Variants in EIF2B4 observed in about 807,000 individuals in gnomAD.
The protein encoded by EIF2B4 is eukaryotic translation initiation factor 2B subunit delta, also known as translation initiation factor eIF2B subunit delta.
Under a neutral mutation model 66.7 loss-of-function variants are expected in EIF2B4, and 34 were observed. The ratio of observed to expected loss-of-function variants is 0.51; its 90% CI spans 0.39 to 0.68. The LOEUF (loss-of-function observed/expected upper bound fraction) is 0.68. Among genes scored for constraint, EIF2B4 ranks in the 30% least tolerant of loss-of-function variants. EIF2B4 has a pLI of 0.00. For missense variants in EIF2B4, 618 were observed against 657.9 expected (o/e 0.94, Z 0.66); for synonymous variants, 278 against 253.6 (o/e 1.10, Z -0.92).
rs80051818 is a variant in EIF2B4, at chr2:27,368,937, T to C, written c.418+69A>G. On this transcript the variant is annotated intron_variant, in intron 4 of 12. Transcript: ENST00000347454. ...CAAGAATGAGAGGGGAGAGCTGTTT[T>C]ACTATTGGGCAGCCTGAGCTGGCGT... The C allele has an allele frequency of 0.28, 447,199 of 1,586,644 alleles. 69,159 individuals carry two copies. The highest frequency in any genetic ancestry group is 0.32 in the Non-Finnish European group (365,451 of 1,155,604).
chr2:27,370,174 C>T, intron 1 of EIF2B4, 110 bp downstream of exon 1: 2 of 1,544,418 alleles, frequency 1.3e-6, no homozygotes, highest in Non-Finnish European at 1.7e-6. Context: ...CGGAGCCCAG[C>T]GTGGCGCTGG....
In EIF2B4 at chr2:27,370,326, C is replaced by G. The variant is rs1337025496; in HGVS notation, c.-12G>C. The stretch of plus-strand genomic sequence containing the variant: ...GCCACAGCAGCCATCGCCCTCAGTC[C>G]TAGGCTCCGCCCGCCGTGGTCACGG... On this transcript the variant is annotated 5_prime_UTR_variant, in exon 1 of 13. Coordinates refer to ENST00000347454, the MANE Select transcript of EIF2B4 (RefSeq NM_001034116.2). 1.9e-6 allele frequency: 3 copies of G among 1,541,450 alleles called. No individual in the cohort carries two copies. Among genetic ancestry groups the G allele is most frequent in the Admixed American group, 3.9e-5 (2 of 50,970 alleles).
In EIF2B4 at chr2:27,368,074, A is replaced by C; in HGVS notation, c.656T>G (p.Val219Gly). The C allele has an allele frequency of 6.2e-7, 1 of 1,600,064 alleles. No homozygotes were observed. Among genetic ancestry groups the C allele is most frequent in the Non-Finnish European group, 8.5e-7 (1 of 1,173,188 alleles). Reference protein sequence around the residue: ...RLGLQYSQGLVSGSNARCIAL... With the variant: ...RLGLQYSQGLGSGSNARCIAL... ...AATACACCGGGCATTGGAGCCACTG[A>C]CCAGGCCCTGGGAGTACTGCAGGCC... The change falls in exon 7 of 13, where the codon GTC becomes GGC. Residue 219 changes from valine to glycine, a missense_variant. Transcript: ENST00000347454.
chr2:27,367,689 AAG>A (rs752912611), intron 8 of EIF2B4, 55 bp downstream of exon 8: 226 of 1,589,700 alleles, frequency 1.4e-4, no homozygotes, highest in Middle Eastern at 1.0e-3. Flanking sequence ...AAGCAGGAAA[AAG>A]AGTACAAGAC....
In EIF2B4 at chr2:27,370,171, C is replaced by T. The variant is rs1682296045; in HGVS notation, c.31+113G>A. ...GCTCGAGACTGTGTAGACCGGAGCC[C>T]AGCGTGGCGCTGGAACGGAGCGGCG... On this transcript the variant is annotated intron_variant, in intron 1 of 12. Transcript: ENST00000347454. 3.2e-6 allele frequency: 5 copies of T among 1,544,494 alleles called. No individual in the cohort carries two copies. In the African/African-American group the frequency reaches 6.8e-5, roughly 21 times the overall value.
At position 27,369,659 on chromosome 2, in the gene EIF2B4, C is replaced by T. The variant is rs145361035; in HGVS notation, c.76-110G>A. 1,882 of 1,573,066 alleles carry T rather than the reference C, an allele frequency of 1.2e-3. 21 individuals are homozygous for T. The African/African-American group carries it at 0.022, about 18-fold the overall frequency. ...TGGTTAAATCCCTAGTTCTTCCTAA[C>T]TTCCACAAGCTACCTGTTGCAAGCT... is the stretch of plus-strand genomic sequence containing the variant. On this transcript the variant is annotated intron_variant, in intron 2 of 12. Transcript: ENST00000347454.
Position 27,368,392 on chromosome 2 carries a change from G to C in EIF2B4, c.570C>G (p.Asn190Lys), listed in dbSNP as rs756090304. The C allele has an allele frequency of 1.9e-6, 3 of 1,613,974 alleles. No homozygotes were observed. In the East Asian group the frequency reaches 6.7e-5, roughly 36 times the overall value. The change falls in exon 6 of 13, where the codon AAC becomes AAG. Residue 190 changes from asparagine to lysine, a missense_variant. Physicochemically the swap from Asn to Lys is moderately conservative, Grantham distance 94 (BLOSUM62 0). This residue lies in a region of EIF2B4 where 506 missense variants were observed against 511.9 expected (regional missense o/e 0.99). Coordinates refer to ENST00000347454, the MANE Select transcript of EIF2B4 (RefSeq NM_001034116.2). ...FSHLPQYSRQ[N>K]SLTQFMSIPS... ...CCTACCTCATAAACTGGGTCAGAGAGTTTTGTCTGCTGTACTGGGGTAGGT... is the reference window on the plus strand; with the variant it reads ...CCTACCTCATAAACTGGGTCAGAGACTTTTGTCTGCTGTACTGGGGTAGGT...
intron 3 of EIF2B4, 77 bp downstream of exon 3, chr2:27,369,337 G>C: frequency 6.2e-7 from 1 of 1,610,744 alleles, no homozygotes; most frequent in Non-Finnish European, 8.5e-7. Flanking sequence ...ACTTTGTCCT[G>C]TCTCTCCCTT....
Position 27,369,223 on chromosome 2 carries a change from TA to T in EIF2B4, c.212-12del, listed in dbSNP as rs368817396. The T allele has an allele frequency of 0.046, 38,471 of 840,838 alleles. No homozygotes were observed. Among genetic ancestry groups the T allele is most frequent in the Admixed American group, 0.082 (2,651 of 32,142 alleles). The allele number at this position is 840,838 out of a possible 1,614,324, so 52.1% of individuals were successfully genotyped here. On this transcript the variant is annotated splice_polypyrimidine_tract_variant and intron_variant, in intron 3 of 12. Coordinates refer to ENST00000347454, the MANE Select transcript of EIF2B4 (RefSeq NM_001034116.2). ...CTCTGGTTGGGCCTACTAAAAGCAT[TA>T]AAAAAAAAAATGCCCAAGCTGCAGG...
chr2:27,370,017 C>T, intron 1 of EIF2B4, 98 bp from the exon 2 acceptor site: 3 of 1,522,280 alleles, frequency 2.0e-6, no homozygotes, highest in Non-Finnish European at 2.7e-6. Context: ...TTGGCATGAC[C>T]ACGGATCCGC....
At position 27,364,530 on chromosome 2, in the gene EIF2B4, G is replaced by A. The variant is rs761059364; in HGVS notation, c.1442C>T (p.Ser481Phe). The A allele has an allele frequency of 2.5e-6, 4 of 1,614,202 alleles. No homozygotes were observed. Among genetic ancestry groups the A allele is most frequent in the Admixed American group, 1.7e-5 (1 of 60,028 alleles). ...VALANWQNHA[S>F]LRLLNLVYDV... ...ATAGACTAGATTCAACAACCGTAGG[G>A]ATGCGTGGTTCTGCCAGTTAGCCAG... The change falls in exon 13 of 13, where the codon TCC becomes TTC. Residue 481 changes from serine (S) to phenylalanine (F), a missense_variant. Around this residue, in one of 4 missense-constraint regions of EIF2B4, gnomAD observed 63 missense variants for 47.5 expected, o/e 1.33. Coordinates refer to ENST00000347454, the MANE Select transcript of EIF2B4 (RefSeq NM_001034116.2).
At chr2:27,369,767 G>A in intron 2 of EIF2B4, 109 bp downstream of exon 2, 1 of 1,464,662 alleles carries the variant, frequency 6.8e-7, no homozygotes, top group Non-Finnish European at 9.2e-7. Context: ...AAATCTCCTG[G>A]CTTTACTGAG....
Position 27,368,625 on chromosome 2 carries a change from TC to T in EIF2B4, c.498+28del, listed in dbSNP as rs1682046940. ...CTCCAGTCCATTTCCCTAGGCTCTT[TC>T]TAGCCAGGCACCAAACCCACTTCCT... On this transcript the variant is annotated intron_variant, in intron 5 of 12. Coordinates refer to ENST00000347454, the MANE Select transcript of EIF2B4 (RefSeq NM_001034116.2). 1.9e-6 allele frequency: 3 copies of T among 1,613,706 alleles called. No homozygotes were observed. In the African/African-American group the frequency reaches 4.0e-5, roughly 22 times the overall value.
chr2:27,364,699 TTC>T lies in EIF2B4; in HGVS notation c.1372+17_1372+18del, dbSNP rs1681713364. 1 of 1,614,064 alleles carries T rather than the reference TTC, an allele frequency of 6.2e-7. No homozygotes were observed. The highest frequency in any genetic ancestry group is 1.3e-5 in the African/African-American group (1 of 74,938). ...CAAGTCTTCACAGGTAGCTGGAGGCTTCTCTTTTGCCTCCTTACCTAGCTCAT... is the reference window on the plus strand; with the variant it reads ...CAAGTCTTCACAGGTAGCTGGAGGCTTCTTTTGCCTCCTTACCTAGCTCAT... On this transcript the variant is annotated intron_variant, in intron 12 of 12. Coordinates refer to ENST00000347454, the MANE Select transcript of EIF2B4 (RefSeq NM_001034116.2).
intron 11 of EIF2B4, chr2:27,365,227 G>A (rs992993346): frequency 4.1e-5 from 14 of 345,602 alleles, no homozygotes; most frequent in Non-Finnish European, 6.7e-5. Flanking sequence ...CAGCTGATTT[G>A]TTGTATTTTT....
intron 11 of EIF2B4, 199 bp from the exon 12 acceptor site, chr2:27,365,097 C>T: frequency 1.7e-6 from 1 of 579,372 alleles, no homozygotes; most frequent in Non-Finnish European, 3.0e-6. Context: ...GCTCTTGTTG[C>T]CCAGGCTGGA....
intron 2 of EIF2B4, 143 bp from the exon 3 acceptor site, chr2:27,369,692 A>T: frequency 1.3e-6 from 2 of 1,501,706 alleles, no homozygotes; most frequent in South Asian, 2.3e-5. Flanking sequence ...GCTTACATCC[A>T]CAGAGGCTGA....
In EIF2B4 at chr2:27,368,683, T is replaced by C; in HGVS notation, c.469A>G (p.Arg157Gly). 2 of 1,614,184 alleles carry C rather than the reference T, an allele frequency of 1.2e-6. No individual in the cohort carries two copies. Among genetic ancestry groups the C allele is most frequent in the Non-Finnish European group, 1.7e-6 (2 of 1,180,034 alleles). ...YPQVDDLLLR[R>G]LVKKPERQQV... ...TGACGCTCTGGTTTTTTAACAAGCC[T>C]TCTCAGAAGTAGGTCATCAACCTGA... Residue 157 changes from arginine to glycine, a missense_variant, in exon 5 of 13, where the codon AGG (arginine) becomes GGG (glycine). Arg to Gly is a moderately radical substitution (Grantham distance 125). Around this residue, in one of 4 missense-constraint regions of EIF2B4, gnomAD observed 506 missense variants for 511.9 expected, o/e 0.99. Coordinates refer to ENST00000347454, the MANE Select transcript of EIF2B4 (RefSeq NM_001034116.2).
intron 5 of EIF2B4, 39 bp downstream of exon 5, chr2:27,368,615 C>A: frequency 6.2e-7 from 1 of 1,612,710 alleles, no homozygotes; most frequent in South Asian, 1.1e-5. Context: ...GTCCATTTCC[C>A]TAGGCTCTTT....
Sources: gnomAD v4.1 joint callset for allele counts on GRCh38, gnomAD v4.1.1 for gene constraint, gnomAD v4.1.1 regional missense constraint, MANE v1.5 for transcripts, NCBI Gene and HGNC (gene_info 2026-07-23, HGNC 2026-07-21) for gene names.